MED13L: variants seen among roughly 807,000 people sequenced by gnomAD.
The protein encoded by MED13L is mediator of RNA polymerase II transcription subunit 13-like.
MED13L carries 7 observed loss-of-function variants against 220.9 expected under a neutral mutation model. That is an observed-to-expected ratio of 0.03 (90% CI 0.02 to 0.06). MED13L has a LOEUF of 0.06. Ranked by LOEUF, MED13L falls within the 10% of genes least tolerant of loss-of-function variation. The pLI is 1.00. For missense variants in MED13L, 1,965 were observed against 2,760.5 expected, an observed-to-expected ratio of 0.71 and a Z score of 6.46; for synonymous variants, 1,011 against 1,015.2, an observed-to-expected ratio of 1.00 and a Z score of 0.08.
At chr12:115,961,706 C>T (rs926883947) in intron 30 of MED13L, 17 of 395,982 alleles carry the variant, frequency 4.3e-5, no homozygotes, top group Admixed American at 2.2e-4. Flanking sequence ...CAGTGGCTCA[C>T]GCCTGGAATC....
At chr12:116,053,565 A>T (rs1001033978) in intron 4 of MED13L, among the ~76,000 whole-genome samples, 2 of 152,172 alleles carry the variant, frequency 1.3e-5, no homozygotes, top group Non-Finnish European at 2.9e-5. Flanking sequence ...AGTGTTTTAA[A>T]TATATCCTTA....
intron 2 of MED13L, among the ~76,000 whole-genome samples, chr12:116,158,754 T>C (rs1878637501): frequency 6.6e-6 from 1 of 152,198 alleles, no homozygotes; most frequent in Non-Finnish European, 1.5e-5. Context: ...AATTTTCAAA[T>C]AGTGGAATTT....
At chr12:116,259,517 A>G (rs1444655558) in intron 1 of MED13L, among the ~76,000 whole-genome samples, 1 of 152,230 alleles carries the variant, frequency 6.6e-6, no homozygotes, top group African/African-American at 2.4e-5. Flanking sequence ...AATTGAAGTA[A>G]GAGTTACTTC....
intron 1 of MED13L, among the ~76,000 whole-genome samples, chr12:116,272,006 A>C (rs931357608): frequency 6.6e-6 from 1 of 152,092 alleles, no homozygotes. Flanking sequence ...GAATGTTTCA[A>C]AAAAAATCTA....
At chr12:115,993,643 C>G (rs1220834193) in intron 16 of MED13L, among the ~76,000 whole-genome samples, 8 of 152,070 alleles carry the variant, frequency 5.3e-5, no homozygotes, top group Non-Finnish European at 8.8e-5. Flanking sequence ...GATCTTTACT[C>G]TAACTGGACT....
chr12:116,226,355 G>A (rs1345048681), intron 2 of MED13L, among the ~76,000 whole-genome samples: 2 of 152,172 alleles, frequency 1.3e-5, no homozygotes, highest in East Asian at 3.8e-4. Flanking sequence ...TACTAAGAGT[G>A]CATTTTATCA....
At chr12:116,100,643 G>T (rs995431143) in intron 3 of MED13L, among the ~76,000 whole-genome samples, 12 of 151,654 alleles carry the variant, frequency 7.9e-5, no homozygotes, top group African/African-American at 2.7e-4. Context: ...AGGCATGGTG[G>T]CTCAGGCCTG....
chr12:116,054,228 A>G (rs1242404660), intron 4 of MED13L, among the ~76,000 whole-genome samples: 1 of 151,840 alleles, frequency 6.6e-6, no homozygotes, highest in Non-Finnish European at 1.5e-5. Context: ...ACACACACAC[A>G]CACACGTACG....
At chr12:116,041,149 G>C (rs1881501231) in intron 4 of MED13L, among the ~76,000 whole-genome samples, 1 of 152,184 alleles carries the variant, frequency 6.6e-6, no homozygotes. Flanking sequence ...ATCCTCATGT[G>C]TTGAGGGAGG....
intron 4 of MED13L, among the ~76,000 whole-genome samples, chr12:116,058,424 C>T (rs904587897): frequency 6.6e-6 from 1 of 151,966 alleles, no homozygotes; most frequent in African/African-American, 2.4e-5. Context: ...AATTACTGTA[C>T]TGATGAGTCT....
At position 116,053,967 on chromosome 12, in the gene MED13L, C is replaced by T. The variant is rs1868727688; in HGVS notation, c.480-31366G>A. On this transcript the variant is annotated intron_variant, in intron 4 of 30. Coordinates refer to ENST00000281928, the MANE Select transcript of MED13L (RefSeq NM_015335.5). ...GCAAAGGTCCAGCTGATAATCAAACCTCGGCTTTGGCCTACAAGTCCAGTG... is the reference window on the plus strand; with the variant it reads ...GCAAAGGTCCAGCTGATAATCAAACTTCGGCTTTGGCCTACAAGTCCAGTG... Among the ~76,000 whole-genome samples, 2 of 152,018 alleles carry T rather than the reference C, an allele frequency of 1.3e-5. 1 individual carries two copies. Among genetic ancestry groups the T allele is most frequent in the South Asian group, 4.2e-4 (2 of 4,810 alleles).
chr12:116,102,354 G>A (rs1873126965), intron 3 of MED13L, among the ~76,000 whole-genome samples: 1 of 152,186 alleles, frequency 6.6e-6, no homozygotes. Context: ...AGGTATAGAA[G>A]GCAGCCCATC....
chr12:115,965,745 G>C (rs914907706), intron 29 of MED13L, among the ~76,000 whole-genome samples: 3 of 152,100 alleles, frequency 2.0e-5, no homozygotes, highest in African/African-American at 7.2e-5. Flanking sequence ...TTATACCTTC[G>C]ACACAGGCTT....
chr12:116,063,142 C>T (rs181903064), intron 4 of MED13L, among the ~76,000 whole-genome samples: 39 of 152,298 alleles, frequency 2.6e-4, no homozygotes, highest in African/African-American at 9.1e-4. Flanking sequence ...CTTCTTTCCC[C>T]GCCCAGTCTC....
At chr12:116,026,956 C>T (rs1002533140) in intron 4 of MED13L, among the ~76,000 whole-genome samples, 3 of 151,822 alleles carry the variant, frequency 2.0e-5, no homozygotes, top group Admixed American at 6.6e-5. Flanking sequence ...CACACTGATA[C>T]GGAAACACCT....
At chr12:116,079,835 T>C (rs938477889) in intron 4 of MED13L, among the ~76,000 whole-genome samples, 2 of 152,130 alleles carry the variant, frequency 1.3e-5, no homozygotes, top group African/African-American at 4.8e-5. Context: ...TAAATATTGA[T>C]AAGAATCCAC....
chr12:116,237,774 TA>T (rs2138460153), intron 1 of MED13L, 69 bp from the exon 2 acceptor site: 1 of 1,304,050 alleles, frequency 7.7e-7, no homozygotes, highest in South Asian at 1.2e-5. Flanking sequence ...CAGTCTTCCA[TA>T]CAGAAAAGCA....
intron 14 of MED13L, among the ~76,000 whole-genome samples, chr12:116,001,666 T>C (rs1400706321): frequency 2.6e-5 from 4 of 152,186 alleles, no homozygotes; most frequent in Non-Finnish European, 5.9e-5. Flanking sequence ...ATATATATGC[T>C]TTGTACACAT....
intron 9 of MED13L, 108 bp from the exon 10 acceptor site, chr12:116,009,240 G>A: frequency 1.9e-6 from 2 of 1,077,484 alleles, no homozygotes; most frequent in Non-Finnish European, 2.7e-6. Context: ...CATATAAAAG[G>A]GCTCTAAGTT....
Sources: allele counts gnomAD v4.1 joint callset (sites outside exome capture counted in the v4.1 genomes callset), GRCh38; gene constraint gnomAD v4.1.1; transcripts MANE v1.5; gene names NCBI Gene and HGNC (gene_info 2026-07-23, HGNC 2026-07-21).